The following CUX1 variants were observed in gnomAD, a reference collection of about 807,000 sequenced individuals.
CUX1 encodes the protein protein CASP.
CUX1 carries 31 observed loss-of-function variants against 158.8 expected under a neutral mutation model. That is an observed-to-expected ratio of 0.20 (90% confidence interval 0.15 to 0.26). CUX1 has a LOEUF of 0.26. Among genes scored for constraint, CUX1 ranks in the 10% least tolerant of loss-of-function variants. The pLI, the probability that CUX1 is intolerant of heterozygous loss-of-function variation, is 1.00. For missense variants in CUX1, 1,589 were observed against 2,014.6 expected (o/e 0.79, Z 4.04); for synonymous variants, 879 against 862.1 (o/e 1.02, Z -0.34).
chr7:102,004,181 G>A (rs1285395985), intron 2 of CUX1, among the ~76,000 whole-genome samples: 5 of 152,184 alleles, frequency 3.3e-5, no homozygotes, highest in Non-Finnish European at 7.3e-5. Context: ...CTGCCCCAGA[G>A]CCCGGCTGTT....
At chr7:101,861,788 G>A (rs932486889) in intron 1 of CUX1, among the ~76,000 whole-genome samples, 10 of 149,620 alleles carry the variant, frequency 6.7e-5, no homozygotes, top group Admixed American at 2.0e-4. Flanking sequence ...TTTTTGAGAC[G>A]GAGCCTCACT....
chr7:102,054,433 G>T (rs1283632489), intron 3 of CUX1, among the ~76,000 whole-genome samples: 1 of 152,140 alleles, frequency 6.6e-6, no homozygotes, highest in Non-Finnish European at 1.5e-5. Flanking sequence ...CCCTTGAATT[G>T]TCATGTCACT....
At chr7:102,132,934 G>C (rs1454549308) in intron 8 of CUX1, among the ~76,000 whole-genome samples, 1 of 151,972 alleles carries the variant, frequency 6.6e-6, no homozygotes, top group Non-Finnish European at 1.5e-5. Context: ...GCCTCCCAAA[G>C]TGCTGGGATT....
chr7:102,064,934 G>A (rs780942913), intron 3 of CUX1, among the ~76,000 whole-genome samples: 9 of 152,168 alleles, frequency 5.9e-5, no homozygotes, highest in Admixed American at 2.0e-4. Context: ...TTGAGTGGAC[G>A]GAGAGGTTAG....
At chr7:101,983,036 CATT>C in intron 2 of CUX1, among the ~76,000 whole-genome samples, 1 of 151,962 alleles carries the variant, frequency 6.6e-6, no homozygotes, top group East Asian at 1.9e-4. Flanking sequence ...ACTAGTCATT[CATT>C]CATTCACCCA....
chr7:102,237,424 C>T (rs1351363410), intron 22 of CUX1, among the ~76,000 whole-genome samples: 1 of 151,904 alleles, frequency 6.6e-6, no homozygotes, highest in Non-Finnish European at 1.5e-5. Flanking sequence ...GCTGGGACTA[C>T]AGGTGCACGC....
chr7:101,821,891 G>A (rs1473078231), intron 1 of CUX1, among the ~76,000 whole-genome samples: 1 of 133,940 alleles, frequency 7.5e-6, no homozygotes, highest in East Asian at 2.1e-4. Flanking sequence ...GTCTGGTTCT[G>A]TGGCCCAGGC....
chr7:102,188,991 C>T (rs1047800085), intron 11 of CUX1, among the ~76,000 whole-genome samples: 6 of 152,084 alleles, frequency 3.9e-5, no homozygotes, highest in East Asian at 3.9e-4. Flanking sequence ...GGGCCCTCCC[C>T]GCAGGACTCA....
intron 23 of CUX1, among the ~76,000 whole-genome samples, chr7:102,242,067 G>GT (rs1800284458): frequency 6.6e-6 from 1 of 152,230 alleles, no homozygotes; most frequent in Non-Finnish European, 1.5e-5. Flanking sequence ...AGTTAGAACA[G>GT]TGGAGGTCCC....
chr7:101,936,171 G>A (rs752833362), intron 2 of CUX1, among the ~76,000 whole-genome samples: 3 of 151,424 alleles, frequency 2.0e-5, no homozygotes, highest in African/African-American at 4.8e-5. Flanking sequence ...TGCAGGTGGA[G>A]GATTCTGACT....
intron 8 of CUX1, among the ~76,000 whole-genome samples, chr7:102,119,172 G>A (rs1018466495): frequency 6.6e-6 from 1 of 152,164 alleles, no homozygotes; most frequent in Non-Finnish European, 1.5e-5. Flanking sequence ...GCAGGGCGTG[G>A]TATGCGTTTC....
rs1790023663 is a variant in CUX1, at chr7:102,257,478, C to T, written c.*8436C>T. On this transcript the variant is annotated 3_prime_UTR_variant, in exon 24 of 24. Coordinates refer to ENST00000292535, the MANE Select transcript of CUX1 (RefSeq NM_181552.4). The stretch of plus-strand genomic sequence containing the variant: ...GAGAATTCACCCAAAATTCTTAAAA[C>T]ATTGGAGAATAGCTTGTTATAAAAT... 7.1e-6 allele frequency: 7 copies of T among 985,140 alleles called. No homozygotes were observed. In the South Asian group the frequency reaches 2.8e-4, roughly 40 times the overall value. 61.0% of individuals were successfully genotyped at this position (985,140 alleles called of 1,614,324 possible).
chr7:101,991,677 T>C (rs992328408), intron 2 of CUX1, among the ~76,000 whole-genome samples: 2 of 151,438 alleles, frequency 1.3e-5, no homozygotes, highest in African/African-American at 4.9e-5. Context: ...GAGAATCACT[T>C]GAACCCGGGA....
At chr7:101,948,344 G>A (rs898038528) in intron 2 of CUX1, among the ~76,000 whole-genome samples, 4 of 152,144 alleles carry the variant, frequency 2.6e-5, no homozygotes, top group South Asian at 2.1e-4. Context: ...TCTCTTAAGC[G>A]GAAAACTGTC....
chr7:102,101,819 C>G (rs1458508656), intron 5 of CUX1, among the ~76,000 whole-genome samples: 1 of 151,322 alleles, frequency 6.6e-6, no homozygotes, highest in Non-Finnish European at 1.5e-5. Context: ...GACTGAGGCA[C>G]GAGAATTGTG....
At chr7:102,226,501 A>G (rs1798360785) in intron 20 of CUX1, among the ~76,000 whole-genome samples, 1 of 152,060 alleles carries the variant, frequency 6.6e-6, no homozygotes, top group African/African-American at 2.4e-5. Context: ...GCACCACTGC[A>G]CTCCAGCCTG....
chr7:102,276,680 G>C (rs372292956), intron 17 of CUX1, among the ~76,000 whole-genome samples: 1 of 152,168 alleles, frequency 6.6e-6, no homozygotes, highest in African/African-American at 2.4e-5. Context: ...TCCATTTCAC[G>C]TTGCCTTTAG....
At chr7:102,213,288 T>C (rs1407153595) in intron 20 of CUX1, among the ~76,000 whole-genome samples, 3 of 152,248 alleles carry the variant, frequency 2.0e-5, no homozygotes, top group Admixed American at 6.5e-5. Flanking sequence ...TCTCGACTTC[T>C]ACAAAATGCT....
intron 2 of CUX1, among the ~76,000 whole-genome samples, chr7:102,025,880 A>G (rs1161338281): frequency 1.3e-5 from 2 of 152,160 alleles, no homozygotes; most frequent in Non-Finnish European, 2.9e-5. Flanking sequence ...TTTGTCAAAA[A>G]ACTTGTGGTA....
Sources: allele counts gnomAD v4.1 joint callset (sites outside exome capture counted in the v4.1 genomes callset), GRCh38; gene constraint gnomAD v4.1.1; transcripts MANE v1.5; gene names NCBI Gene and HGNC (gene_info 2026-07-23, HGNC 2026-07-21).